Variants in HUWE1 observed in about 807,000 individuals in gnomAD.
HUWE1 encodes the protein E3 ubiquitin-protein ligase HUWE1.
In HUWE1, 18 loss-of-function variants were observed where a neutral mutation model predicts 299.4. The ratio of observed to expected loss-of-function variants is 0.06; its 90% confidence interval spans 0.04 to 0.09. The LOEUF is 0.09. Ranked by LOEUF, HUWE1 falls within the 10% of genes least tolerant of loss-of-function variation. HUWE1 has a pLI of 1.00. For missense variants in HUWE1, 1,832 were observed against 3,462.3 expected, an observed-to-expected ratio of 0.53 and a Z score of 11.82; for synonymous variants, 1,317 against 1,286.1, an observed-to-expected ratio of 1.02 and a Z score of -0.51.
intron 31 of HUWE1, 116 bp downstream of exon 31, chrX:53,594,383 A>G (rs1602960595): frequency 2.5e-6 from 2 of 792,334 alleles, no homozygotes; most frequent in East Asian, 6.9e-5. Flanking sequence ...ACCAATAGCT[A>G]TTTCTATATA....
At chrX:53,579,092 G>A (rs1453249553) in intron 43 of HUWE1, among the ~76,000 whole-genome samples, 2 of 82,553 alleles carry the variant, frequency 2.4e-5, no homozygotes, top group South Asian at 7.4e-4. Context: ...CCCTCCGCCC[G>A]GCCAGCCGCC....
chrX:53,640,421 T>C (rs2067510032), intron 7 of HUWE1, among the ~76,000 whole-genome samples: 1 of 111,912 alleles, frequency 8.9e-6, no homozygotes, highest in Non-Finnish European at 1.9e-5. Context: ...TTAGAGAAAT[T>C]TTACATTTTA....
rs782415168 is a variant in HUWE1, at chrX:53,578,548, G to A, written c.5717-1481C>T. Among the ~76,000 whole-genome samples, 8 of 87,605 alleles carry A rather than the reference G, an allele frequency of 9.1e-5. No individual in the cohort carries two copies. The East Asian group carries it at 2.4e-3, about 26-fold the overall frequency. The allele number at this position is 87,605 out of a possible 115,157, so 76.1% of individuals were successfully genotyped here. A position where few individuals can be genotyped will look rare whatever the true frequency, so the allele number is the denominator to read the frequency against. On this transcript the variant is annotated intron_variant, in intron 43 of 83. Coordinates refer to ENST00000262854, the MANE Select transcript of HUWE1 (RefSeq NM_031407.7). ...GAGGGAGGTGGGGGGTCAGCCCCCCGCCCGGCCAGCCGCCCCGTCCGGGAG... is the reference window on the plus strand; with the variant it reads ...GAGGGAGGTGGGGGGTCAGCCCCCCACCCGGCCAGCCGCCCCGTCCGGGAG...
At chrX:53,635,638 G>A (rs1360618767) in intron 7 of HUWE1, among the ~76,000 whole-genome samples, 1 of 111,734 alleles carries the variant, frequency 8.9e-6, no homozygotes, top group East Asian at 2.8e-4. Context: ...ATATTTTTAA[G>A]TCTGGCATGA....
At chrX:53,633,812 A>T (rs184740906) in intron 8 of HUWE1, among the ~76,000 whole-genome samples, 33 of 112,374 alleles carry the variant, frequency 2.9e-4, no homozygotes, top group African/African-American at 1.0e-3. Flanking sequence ...ATAAAACATT[A>T]TAAGTTCTCA....
At chrX:53,649,433 G>A (rs1748659781) in intron 4 of HUWE1, among the ~76,000 whole-genome samples, 1 of 112,018 alleles carries the variant, frequency 8.9e-6, no homozygotes, top group South Asian at 3.7e-4. Flanking sequence ...CAATGCTGTC[G>A]TGAGATTCAA....
At chrX:53,681,091 G>A (rs1167578819) in intron 2 of HUWE1, among the ~76,000 whole-genome samples, 1 of 110,533 alleles carries the variant, frequency 9.0e-6, no homozygotes, top group Non-Finnish European at 1.9e-5. Flanking sequence ...GTATTAAAGG[G>A]TTGTTGCTAG....
chrX:53,573,608 T>C (rs2062946652), intron 47 of HUWE1, 142 bp downstream of exon 47: 1 of 536,803 alleles, frequency 1.9e-6, no homozygotes, highest in East Asian at 3.6e-5. Flanking sequence ...GCACCCGGCC[T>C]TGCATGTCTG....
In HUWE1 at chrX:53,534,129, G is replaced by C; in HGVS notation, c.12900C>G (p.Val4300=). Residue 4300 remains valine, a synonymous_variant, in exon 83 of 84, where the codon GTC becomes GTG. Transcript: ENST00000262854. The part of the protein sequence containing the change: ...QADRAKFLQF[V]TGTSKVPLQG... ...GCAGGGGTACCTTGGAAGTACCTGT[G>C]ACAAACTGGAGGAACTTGGCACGGT... The C allele has an allele frequency of 8.3e-7, 1 of 1,210,551 alleles. No homozygotes were observed. The highest frequency in any genetic ancestry group is 1.1e-6 in the Non-Finnish European group (1 of 894,407).
intron 10 of HUWE1, 41 bp downstream of exon 10, chrX:53,631,526 A>G: frequency 8.5e-7 from 1 of 1,176,670 alleles, no homozygotes; most frequent in Middle Eastern, 2.4e-4. Flanking sequence ...AAAGTGAACC[A>G]AACATTAAGA....
At chrX:53,539,506 T>C in intron 75 of HUWE1, 151 bp downstream of exon 75, 1 of 522,122 alleles carries the variant, frequency 1.9e-6, no homozygotes, top group Non-Finnish European at 3.2e-6. Context: ...TTTTTTATAC[T>C]GAAGTCAGAG....
intron 16 of HUWE1, 36 bp from the exon 17 acceptor site, chrX:53,627,551 A>G (rs781932410): frequency 4.8e-5 from 34 of 712,818 alleles, no homozygotes; most frequent in East Asian, 1.2e-4. Flanking sequence ...AAAATCAAGT[A>G]TATATATATA....
In HUWE1 at chrX:53,568,877, G is replaced by A; in HGVS notation, c.6525-3C>T. ...TGATACACATCACTGCCTGAAGCCT[G>A]GGAGAGAAGTTTTGACATCTCTATC... On this transcript the variant is annotated splice_polypyrimidine_tract_variant and splice_region_variant and intron_variant, in intron 48 of 83. Transcript: ENST00000262854. 8.4e-7 allele frequency: 1 copy of A among 1,190,593 alleles called. No individual in the cohort carries two copies. The highest frequency in any genetic ancestry group is 1.7e-5 in the African/African-American group (1 of 57,343).
At chrX:53,644,411 T>C (rs1362019697) in intron 7 of HUWE1, among the ~76,000 whole-genome samples, 4 of 112,001 alleles carry the variant, frequency 3.6e-5, no homozygotes, top group African/African-American at 1.3e-4. Context: ...GAATCCAATG[T>C]TAAACCTCCT....
intron 3 of HUWE1, among the ~76,000 whole-genome samples, chrX:53,670,239 G>A (rs1557048886): frequency 2.7e-5 from 3 of 111,999 alleles, no homozygotes. Flanking sequence ...CCTATTTGGG[G>A]AGTAACTTTC....
chrX:53,647,318 G>C, intron 6 of HUWE1, 50 bp downstream of exon 6: 1 of 890,179 alleles, frequency 1.1e-6, no homozygotes, highest in Non-Finnish European at 1.7e-6. Context: ...ATTTCTGGAT[G>C]TACACAATTC....
In HUWE1 at chrX:53,631,426, A is replaced by G; in HGVS notation, c.750T>C (p.Pro250=). The G allele has an allele frequency of 8.3e-7, 1 of 1,200,243 alleles. No individual in the cohort carries two copies. Among genetic ancestry groups the G allele is most frequent in the Non-Finnish European group, 1.1e-6 (1 of 885,382 alleles). Residue 250 remains proline (P), a synonymous_variant, in exon 11 of 84, where the codon CCT becomes CCC. Coordinates refer to ENST00000262854, the MANE Select transcript of HUWE1 (RefSeq NM_031407.7). ...AGCCACATCATACCTGCTTATCCTT[A>G]GGAATGCTGTACATTTTGGTAAGAG... The part of the protein sequence containing the change: ...MESLTKMYSI[P]KDKQMLLFTH...
intron 60 of HUWE1, among the ~76,000 whole-genome samples, chrX:53,555,636 C>A (rs868950440): frequency 1.3e-5 from 1 of 75,267 alleles, no homozygotes; most frequent in Non-Finnish European, 2.5e-5. Context: ...CCTTCAAAAT[C>A]TTTTTTTTTT....
At chrX:53,587,088 G>C (rs917337071) in intron 37 of HUWE1, among the ~76,000 whole-genome samples, 179 bp from the exon 38 acceptor site, 7 of 112,095 alleles carry the variant, frequency 6.2e-5, no homozygotes, top group Middle Eastern at 9.2e-3. Flanking sequence ...AAATTTTCTA[G>C]GCTTTGGTTT....
Sources: allele counts gnomAD v4.1 joint callset (sites outside exome capture counted in the v4.1 genomes callset), GRCh38; gene constraint gnomAD v4.1.1; transcripts MANE v1.5; gene names NCBI Gene and HGNC (gene_info 2026-07-23, HGNC 2026-07-21).